The following AIMP2 variants were observed in gnomAD, a reference collection of about 807,000 sequenced individuals.
AIMP2 encodes aminoacyl tRNA synthetase complex interacting multifunctional protein 2.
Under a neutral mutation model 23.4 loss-of-function variants are expected in AIMP2, and 20 were observed. The ratio of observed to expected loss-of-function variants is 0.85; its 90% CI spans 0.60 to 1.24. AIMP2 has a LOEUF of 1.24. Among genes scored for constraint, AIMP2 ranks in the 50% most tolerant of loss-of-function variants. The pLI, the probability that AIMP2 is intolerant of heterozygous loss-of-function variation, is 0.00. For missense variants in AIMP2, 515 were observed against 414.5 expected, an observed-to-expected ratio of 1.24 and a Z score of -2.10; for synonymous variants, 210 against 170.4, an observed-to-expected ratio of 1.23 and a Z score of -1.81.
rs1416713755 is a variant in AIMP2, at chr7:6,009,517, C to T, written c.135+19C>T. The T allele has an allele frequency of 3.4e-6, 5 of 1,460,658 alleles. No homozygotes were observed. The highest frequency in any genetic ancestry group is 4.5e-6 in the Non-Finnish European group (5 of 1,112,910). 90.5% of individuals were successfully genotyped at this position (1,460,658 alleles called of 1,614,324 possible). ...CGTGCAGGTAGGAGCGCGGGGCCCC[C>T]CGCCCAGTGCGCACGCGCGGCGACC... On this transcript the variant is annotated intron_variant, in intron 1 of 3. Transcript: ENST00000223029.
intron 1 of AIMP2, among the ~76,000 whole-genome samples, chr7:6,014,405 G>T (rs1786887455): frequency 6.6e-6 from 1 of 151,700 alleles, no homozygotes. Flanking sequence ...CTACAGGCAT[G>T]CACTACCACA....
chr7:6,013,010 G>C (rs866341052), intron 1 of AIMP2: 3 of 871,288 alleles, frequency 3.4e-6, no homozygotes, highest in Non-Finnish European at 4.0e-6. Context: ...AAGCAAACAA[G>C]AGAAGAAGGA....
chr7:6,015,425 T>C, intron 2 of AIMP2, 73 bp downstream of exon 2: 7 of 1,530,638 alleles, frequency 4.6e-6, no homozygotes, highest in Non-Finnish European at 6.3e-6. Context: ...GCTGCTGTGA[T>C]TAAAGCCTTA....
chr7:6,012,718 C>A, intron 1 of AIMP2: 1 of 611,010 alleles, frequency 1.6e-6, no homozygotes, highest in Non-Finnish European at 2.5e-6. Context: ...CCCCACCAAG[C>A]CCAGCTAATT....
intron 2 of AIMP2, among the ~76,000 whole-genome samples, chr7:6,016,549 G>A (rs1485107575): frequency 6.6e-6 from 1 of 152,138 alleles, no homozygotes; most frequent in Non-Finnish European, 1.5e-5. Flanking sequence ...TCAGGGAGCC[G>A]GAGCCTAGCA....
intron 3 of AIMP2, among the ~76,000 whole-genome samples, chr7:6,018,515 C>T (rs572834699): frequency 6.6e-6 from 1 of 151,236 alleles, no homozygotes; most frequent in African/African-American, 2.4e-5. Context: ...TCTGAAAAAA[C>T]TGGCAGACAA....
intron 1 of AIMP2, 33 bp downstream of exon 1, chr7:6,009,531 C>T (rs1352338540): frequency 1.4e-6 from 2 of 1,405,090 alleles, no homozygotes; most frequent in Non-Finnish European, 9.2e-7. Flanking sequence ...CCAGTGCGCA[C>T]GCGCGGCGAC....
At chr7:6,016,040 C>T (rs1021814034) in intron 2 of AIMP2, among the ~76,000 whole-genome samples, 1 of 152,170 alleles carries the variant, frequency 6.6e-6, no homozygotes, top group Admixed American at 6.5e-5. Flanking sequence ...AGAGGCAGCC[C>T]GGACTCTCTC....
chr7:6,013,361 A>C (rs987220718), intron 1 of AIMP2, among the ~76,000 whole-genome samples: 2 of 147,260 alleles, frequency 1.4e-5, no homozygotes, highest in African/African-American at 5.0e-5. Flanking sequence ...TCCCGGGTTC[A>C]AGCGATTCTC....
intron 3 of AIMP2, among the ~76,000 whole-genome samples, chr7:6,020,438 A>G (rs887141683): frequency 6.6e-6 from 1 of 152,256 alleles, no homozygotes; most frequent in Admixed American, 6.5e-5. Context: ...AAGAAAAGAA[A>G]ATGCAGCTTT....
Position 6,018,005 on chromosome 7 carries a change from C to T in AIMP2, c.534C>T (p.Arg178=). The change falls in exon 3 of 4, where the codon CGC becomes CGT. Residue 178 remains arginine, a synonymous_variant. Transcript: ENST00000223029. ...GAGAACAGAATAAAAAACAGCCCCG[C>T]CAAGACTATCAGCTGGGATTCACTT... ...CFGEQNKKQP[R]QDYQLGFTLI... 1.2e-6 allele frequency: 2 copies of T among 1,614,026 alleles called. No homozygotes were observed.
At chr7:6,016,242 G>C (rs1325092095) in intron 2 of AIMP2, among the ~76,000 whole-genome samples, 2 of 152,124 alleles carry the variant, frequency 1.3e-5, no homozygotes, top group East Asian at 1.9e-4. Flanking sequence ...AGCTAATTTA[G>C]GGGAGAATCT....
chr7:6,015,332 T>G lies in AIMP2; in HGVS notation c.322T>G (p.Leu108Val). ...GACTTTAACCACCAATGCGCTGGAC[T>G]TGAATTCAGTGCTTGGGAAGGTAGG... ...PTTLTTNALDLNSVLGKDYGA... is the reference protein window; with the variant it reads ...PTTLTTNALDVNSVLGKDYGA... The change falls in exon 2 of 4, where the codon TTG becomes GTG. Residue 108 changes from leucine to valine, a missense_variant. Coordinates refer to ENST00000223029, the MANE Select transcript of AIMP2 (RefSeq NM_006303.4). The G allele has an allele frequency of 1.2e-6, 2 of 1,614,142 alleles. No individual in the cohort carries two copies. The highest frequency in any genetic ancestry group is 1.1e-5 in the South Asian group (1 of 91,090).
intron 1 of AIMP2, among the ~76,000 whole-genome samples, chr7:6,010,596 T>C (rs935323770): frequency 6.6e-6 from 1 of 151,976 alleles, no homozygotes; most frequent in African/African-American, 2.4e-5. Context: ...TTACAGGCGC[T>C]GTCCACTGGA....
intron 3 of AIMP2, 76 bp downstream of exon 3, chr7:6,018,121 T>C: frequency 8.7e-7 from 1 of 1,143,960 alleles, no homozygotes; most frequent in Non-Finnish European, 1.2e-6. Flanking sequence ...CATGAGTCCA[T>C]TTACATGTGG....
chr7:6,013,325 G>A (rs915611184), intron 1 of AIMP2, among the ~76,000 whole-genome samples: 17 of 138,938 alleles, frequency 1.2e-4, no homozygotes, highest in Admixed American at 3.2e-4. Context: ...GCAGTGGTGT[G>A]ATCTCTGCTC....
chr7:6,009,582 T>C (rs1786395199), intron 1 of AIMP2, 84 bp downstream of exon 1: 1 of 1,261,462 alleles, frequency 7.9e-7, no homozygotes, highest in Admixed American at 4.1e-5. Context: ...AGCGAGCGCG[T>C]CCCAACCGGT....
At chr7:6,009,601 C>T in intron 1 of AIMP2, 103 bp downstream of exon 1, 3 of 1,047,454 alleles carry the variant, frequency 2.9e-6, no homozygotes, top group South Asian at 2.8e-5. Context: ...GTTCACGGCC[C>T]CACCCCGGCA....
chr7:6,018,093 C>T (rs1425346330), intron 3 of AIMP2, 48 bp downstream of exon 3: 1 of 1,451,666 alleles, frequency 6.9e-7, no homozygotes, highest in South Asian at 1.2e-5. Context: ...GCCCCTTGAA[C>T]ACCATGAGTT....
Sources: allele counts gnomAD v4.1 joint callset (sites outside exome capture counted in the v4.1 genomes callset), GRCh38; gene constraint gnomAD v4.1.1; transcripts MANE v1.5; gene names NCBI Gene and HGNC (gene_info 2026-07-23, HGNC 2026-07-21).